The following GALNT13 variants were observed in gnomAD, a reference collection of about 807,000 sequenced individuals.
GALNT13 encodes the protein UDP-GalNAc:polypeptide N-acetylgalactosaminyltransferase 13.
A neutral mutation model predicts 64.2 loss-of-function variants in GALNT13; 28 were observed. The observed-to-expected ratio is 0.44, with a 90% confidence interval of 0.32 to 0.60. The LOEUF is 0.60. Ranked by LOEUF, GALNT13 falls within the 20% of genes least tolerant of loss-of-function variation. The pLI is 0.05. For synonymous variants in GALNT13, 214 were observed against 224.6 expected, an observed-to-expected ratio of 0.95 and a Z score of 0.42; for missense variants, 577 against 669.8, an observed-to-expected ratio of 0.86 and a Z score of 1.53.
chr2:154,437,707 T>C (rs1295638667), intron 11 of GALNT13: 1 of 433,412 alleles, frequency 2.3e-6, no homozygotes, highest in Non-Finnish European at 4.6e-6. Flanking sequence ...TACAAAACAT[T>C]AGGCCGGCAT....
At chr2:154,408,329 G>A (rs1231049459) in intron 10 of GALNT13, among the ~76,000 whole-genome samples, 1 of 152,064 alleles carries the variant, frequency 6.6e-6, no homozygotes, top group Non-Finnish European at 1.5e-5. Flanking sequence ...CTTTATGTCT[G>A]TAGTCAGCAA....
the GALNT13 span, among the ~76,000 whole-genome samples, chr2:153,091,296 AG>A: frequency 6.6e-6 from 1 of 152,012 alleles, no homozygotes; most frequent in Non-Finnish European, 1.5e-5. Flanking sequence ...AGTGTTTGCA[AG>A]GCACTTCCTG....
intron 3 of GALNT13, among the ~76,000 whole-genome samples, chr2:154,058,178 A>G (rs1385833707): frequency 6.6e-6 from 1 of 152,048 alleles, no homozygotes; most frequent in Non-Finnish European, 1.5e-5. Context: ...GAGAGCTCAT[A>G]CTCTCTCTCA....
At chr2:153,105,925 A>G in the GALNT13 span, among the ~76,000 whole-genome samples, 4 of 152,132 alleles carry the variant, frequency 2.6e-5, no homozygotes, top group Admixed American at 2.6e-4. Context: ...CTTTCTTTTT[A>G]TTGAATCATT....
chr2:154,402,659 TTG>T (rs1174172617), intron 10 of GALNT13, among the ~76,000 whole-genome samples: 2 of 152,192 alleles, frequency 1.3e-5, no homozygotes, highest in African/African-American at 4.8e-5. Context: ...GGAACAGACT[TTG>T]TGAAGAATTT....
the GALNT13 span, among the ~76,000 whole-genome samples, chr2:153,279,753 C>T: frequency 6.6e-6 from 1 of 152,018 alleles, no homozygotes; most frequent in Non-Finnish European, 1.5e-5. Flanking sequence ...CTACTGGATT[C>T]AGTTTGCTAG....
intron 3 of GALNT13, among the ~76,000 whole-genome samples, chr2:154,111,637 A>G (rs1175192566): frequency 1.3e-5 from 2 of 152,184 alleles, no homozygotes; most frequent in African/African-American, 2.4e-5. Context: ...CTAGTAGATC[A>G]CTAGAGGTGA....
chr2:154,324,855 C>A (rs1694799920), intron 9 of GALNT13, among the ~76,000 whole-genome samples: 1 of 152,122 alleles, frequency 6.6e-6, no homozygotes, highest in African/African-American at 2.4e-5. Flanking sequence ...GGTGGAAATT[C>A]TTCTGCCTCA....
chr2:154,102,232 A>T (rs1300294307), intron 3 of GALNT13, among the ~76,000 whole-genome samples: 1 of 152,116 alleles, frequency 6.6e-6, no homozygotes, highest in Non-Finnish European at 1.5e-5. Context: ...ATCTATCTGG[A>T]TATCCCCCTT....
At chr2:153,107,060 G>T in the GALNT13 span, among the ~76,000 whole-genome samples, 3 of 152,136 alleles carry the variant, frequency 2.0e-5, no homozygotes, top group African/African-American at 7.2e-5. Context: ...ACATTTAAAA[G>T]TGCTCTTTGT....
chr2:154,334,661 C>T (rs534930531), intron 9 of GALNT13, among the ~76,000 whole-genome samples: 7 of 151,982 alleles, frequency 4.6e-5, no homozygotes, highest in Non-Finnish European at 7.4e-5. Context: ...TTGTTTCTAA[C>T]GCCAGAATAT....
At chr2:153,416,335 G>C in the GALNT13 span, among the ~76,000 whole-genome samples, 11 of 152,148 alleles carry the variant, frequency 7.2e-5, no homozygotes, top group Non-Finnish European at 1.5e-5. Context: ...TATTAACAAA[G>C]AACAAGCACT....
At chr2:154,369,351 C>A (rs707037) in intron 9 of GALNT13, among the ~76,000 whole-genome samples, 3 of 151,770 alleles carry the variant, frequency 2.0e-5, no homozygotes, top group Non-Finnish European at 4.4e-5. Context: ...TCTTGACTGA[C>A]GTAATACATA....
chr2:153,727,412 T>C, the GALNT13 span, among the ~76,000 whole-genome samples: 51 of 152,362 alleles, frequency 3.3e-4, no homozygotes, highest in African/African-American at 1.2e-3. Context: ...TACTTTTTTT[T>C]ATTCTTTTCT....
chr2:153,315,133 T>A, the GALNT13 span, among the ~76,000 whole-genome samples: 39 of 152,300 alleles, frequency 2.6e-4, no homozygotes, highest in East Asian at 7.1e-3. Context: ...AAAGGGGACA[T>A]TTTCTACTTA....
chr2:153,994,174 T>C (rs1455546030), intron 3 of GALNT13, among the ~76,000 whole-genome samples: 1 of 152,178 alleles, frequency 6.6e-6, no homozygotes, highest in Non-Finnish European at 1.5e-5. Flanking sequence ...TGTTTGGTTT[T>C]TTTGTCCTTG....
At chr2:153,752,562 C>A in the GALNT13 span, among the ~76,000 whole-genome samples, 2 of 152,034 alleles carry the variant, frequency 1.3e-5, no homozygotes, top group South Asian at 2.1e-4. Context: ...ATATGTCATG[C>A]CACTCTCTCT....
Position 154,438,608 on chromosome 2 carries a change from C to T in GALNT13, c.1412C>T (p.Ala471Val). ...TATTTTCAGGTATTTTCTTACACTG[C>T]TGACAAAGAAATCCGAACCGATGAC... ...MGGNQVFSYT[A>V]DKEIRTDDLC... The change falls in exon 12 of 13, where the codon GCT (alanine) becomes GTT (valine). Residue 471 changes from alanine to valine, a missense_variant. Around this residue, in one of 3 missense-constraint regions of GALNT13, gnomAD observed 232 missense variants for 270.6 expected, o/e 0.86. Transcript: ENST00000392825. 6.2e-7 allele frequency: 1 copy of T among 1,611,324 alleles called. No homozygotes were observed. Among genetic ancestry groups the T allele is most frequent in the Non-Finnish European group, 8.5e-7 (1 of 1,178,096 alleles).
chr2:154,199,414 A>T (rs1294324951), intron 4 of GALNT13, among the ~76,000 whole-genome samples: 3 of 152,016 alleles, frequency 2.0e-5, no homozygotes, highest in Non-Finnish European at 2.9e-5. Context: ...AGAATTTTTG[A>T]CTGTATCAGT....
Sources: allele counts gnomAD v4.1 joint callset (sites outside exome capture counted in the v4.1 genomes callset), GRCh38; gene constraint gnomAD v4.1.1; regional missense constraint gnomAD v4.1.1; transcripts MANE v1.5; gene names NCBI Gene and HGNC (gene_info 2026-07-23, HGNC 2026-07-21).